The following CNNM4 variants were observed in gnomAD, a reference collection of about 807,000 sequenced individuals.
CNNM4 encodes cyclin and CBS domain divalent metal cation transport mediator 4.
Under a neutral mutation model 53.7 loss-of-function variants are expected in CNNM4, and 32 were observed. That is an observed-to-expected ratio of 0.60 (90% CI 0.45 to 0.80). CNNM4 has a LOEUF of 0.80. CNNM4 is among the 30% of genes least tolerant of loss of function. CNNM4 has a pLI of 0.00. For missense variants in CNNM4, 784 were observed against 1,022.0 expected, an observed-to-expected ratio of 0.77 and a Z score of 3.17; for synonymous variants, 410 against 440.0, an observed-to-expected ratio of 0.93 and a Z score of 0.85.
intron 1 of CNNM4, among the ~76,000 whole-genome samples, chr2:96,781,119 C>T (rs139381377): frequency 2.4e-4 from 37 of 151,514 alleles, no homozygotes; most frequent in African/African-American, 8.2e-4. Context: ...GCTGGGACTA[C>T]AGGCACCCGC....
At chr2:96,780,904 A>G (rs539498502) in intron 1 of CNNM4, among the ~76,000 whole-genome samples, 3 of 144,032 alleles carry the variant, frequency 2.1e-5, no homozygotes, top group South Asian at 2.2e-4. Flanking sequence ...ACACCCAGCT[A>G]ATTTTTTTTT....
At chr2:96,795,563 C>T (rs1335712841) in intron 1 of CNNM4, among the ~76,000 whole-genome samples, 4 of 152,134 alleles carry the variant, frequency 2.6e-5, no homozygotes. Context: ...TCTCTGCTCT[C>T]CCTAAGAGGC....
intron 1 of CNNM4, among the ~76,000 whole-genome samples, chr2:96,786,778 CAAAAAAAA>C (rs978560794): frequency 1.5e-4 from 6 of 40,486 alleles, no homozygotes; most frequent in East Asian, 7.4e-4. Flanking sequence ...GACTCTGTCT[CAAAAAAAA>C]AAAAAAAAAA....
chr2:96,798,652 G>A (rs1432672584), intron 3 of CNNM4, among the ~76,000 whole-genome samples: 2 of 152,082 alleles, frequency 1.3e-5, no homozygotes, highest in East Asian at 1.9e-4. Flanking sequence ...TGATGCTGAT[G>A]CAATAATTAT....
In CNNM4 at chr2:96,787,812, A is replaced by G. The variant is rs2079027591; in HGVS notation, c.1403-9200A>G. ...GAAGTCAAAGTTGCAGTGAGCTGTG[A>G]TTGTGCCACTGTACTGCAGCCTGGG... On this transcript the variant is annotated intron_variant, in intron 1 of 6. Coordinates refer to ENST00000377075, the MANE Select transcript of CNNM4 (RefSeq NM_020184.4). Among the ~76,000 whole-genome samples, 8 of 152,276 alleles carry G rather than the reference A, an allele frequency of 5.3e-5. No individual in the cohort carries two copies. The South Asian group carries it at 1.7e-3, about 32-fold the overall frequency.
chr2:96,806,457 T>C (rs1232736823), intron 5 of CNNM4, among the ~76,000 whole-genome samples: 1 of 151,660 alleles, frequency 6.6e-6, no homozygotes, highest in Admixed American at 6.6e-5. Context: ...TTAATTTTTA[T>C]TTTCCCCTTT....
chr2:96,793,936 C>T (rs1220911911), intron 1 of CNNM4, among the ~76,000 whole-genome samples: 1 of 152,166 alleles, frequency 6.6e-6, no homozygotes, highest in African/African-American at 2.4e-5. Flanking sequence ...GCCTGGGCCA[C>T]TCCAGCCTAG....
At chr2:96,796,980 G>A in intron 1 of CNNM4, 32 bp from the exon 2 acceptor site, 3 of 1,610,850 alleles carry the variant, frequency 1.9e-6, no homozygotes, top group Non-Finnish European at 2.5e-6. Flanking sequence ...TGGCCTCTGG[G>A]CTCTTGTCTG....
intron 1 of CNNM4, among the ~76,000 whole-genome samples, chr2:96,793,793 G>A (rs62152786): frequency 0.15 from 22,164 of 152,074 alleles, 2,562 homozygotes; most frequent in African/African-American, 0.32. Context: ...GCGAAACCCC[G>A]TCTCTACTAA....
chr2:96,782,900 T>A (rs141939158), intron 1 of CNNM4, among the ~76,000 whole-genome samples: 1 of 152,158 alleles, frequency 6.6e-6, no homozygotes, highest in Non-Finnish European at 1.5e-5. Flanking sequence ...ACATGGGACC[T>A]GTGGGCTCTT....
rs1185854529 is a variant in CNNM4 at position 96,761,844 on chromosome 2, T to G, written c.845T>G (p.Phe282Cys). The change falls in exon 1 of 7, where the codon TTT (phenylalanine) becomes TGT (cysteine). Residue 282 changes from phenylalanine to cysteine, a missense_variant. This residue lies in a region of CNNM4 where 473 missense variants were observed against 624.6 expected (regional missense o/e 0.76). Coordinates refer to ENST00000377075, the MANE Select transcript of CNNM4 (RefSeq NM_020184.4). This position sits in a 1 kb window ranked among gnomAD's most constrained non-coding sequence, Gnocchi z 6.0. ...TCCTCCACCATTGGCATTGTCATCT[T>G]TGGGGAGATCCTACCTCAGGCCCTG... ...VASSTIGIVIFGEILPQALCS... is the reference protein window; with the variant it reads ...VASSTIGIVICGEILPQALCS... The G allele has an allele frequency of 6.2e-7, 1 of 1,614,028 alleles. No individual in the cohort carries two copies. The highest frequency in any genetic ancestry group is 1.3e-5 in the African/African-American group (1 of 74,928).
intron 1 of CNNM4, among the ~76,000 whole-genome samples, chr2:96,783,547 C>A (rs2078991776): frequency 6.6e-6 from 1 of 152,132 alleles, no homozygotes; most frequent in African/African-American, 2.4e-5. Flanking sequence ...TTCTGACAGC[C>A]GTAGCTTCTG....
At chr2:96,780,682 T>C (rs1277580202) in intron 1 of CNNM4, among the ~76,000 whole-genome samples, 1 of 152,102 alleles carries the variant, frequency 6.6e-6, no homozygotes, top group Non-Finnish European at 1.5e-5. Context: ...TACAGGTTTT[T>C]GTTTTGTTTG....
At chr2:96,782,641 T>C (rs2078984676) in intron 1 of CNNM4, among the ~76,000 whole-genome samples, 1 of 152,194 alleles carries the variant, frequency 6.6e-6, no homozygotes, top group South Asian at 2.1e-4. Flanking sequence ...ACTGTTGCTA[T>C]AGTTTTCCTC....
At chr2:96,793,520 A>G (rs921636104) in intron 1 of CNNM4, among the ~76,000 whole-genome samples, 6 of 152,218 alleles carry the variant, frequency 3.9e-5, no homozygotes, top group African/African-American at 1.4e-4. Context: ...GGTGCCTGTC[A>G]TGCAGCTGGC....
At chr2:96,779,201 G>A (rs1299651742) in intron 1 of CNNM4, among the ~76,000 whole-genome samples, 1 of 152,080 alleles carries the variant, frequency 6.6e-6, no homozygotes, top group Non-Finnish European at 1.5e-5. Flanking sequence ...CTCGTGATCC[G>A]CCCGCCTCGG....
chr2:96,808,525 T>C lies in CNNM4; in HGVS notation c.1949-36T>C. On this transcript the variant is annotated intron_variant, in intron 5 of 6. Transcript: ENST00000377075. The surrounding 1 kb of genome is among the most constrained non-coding windows in gnomAD (Gnocchi z 4.9). Reference sequence around the variant, plus strand: ...ATGAGGGTGAGAGTGGGCATCGGAGTGGCCTTTGGCATGACAACCTCTGCT... The same window carrying C: ...ATGAGGGTGAGAGTGGGCATCGGAGCGGCCTTTGGCATGACAACCTCTGCT... 3 of 1,611,516 alleles carry C rather than the reference T, an allele frequency of 1.9e-6. No individual in the cohort carries two copies. The highest frequency in any genetic ancestry group is 8.5e-7 in the Non-Finnish European group (1 of 1,178,310).
rs2079249104 is a variant in CNNM4 at position 96,810,624 on chromosome 2, G to A, written c.*1107G>A. 1 of 152,476 alleles carries A rather than the reference G, an allele frequency of 6.6e-6. No homozygotes were observed. The allele number at this position is 152,476 out of a possible 1,614,324, so 9.4% of individuals were successfully genotyped here. On this transcript the variant is annotated 3_prime_UTR_variant, in exon 7 of 7. Coordinates refer to ENST00000377075, the MANE Select transcript of CNNM4 (RefSeq NM_020184.4). This position sits in a 1 kb window ranked among gnomAD's most constrained non-coding sequence, Gnocchi z 4.1. ...TCCCCAAGCTTCAGTCCCTCTTGGGGGTGGAGACAAGAGGACATGTGGGAA... is the reference window on the plus strand; with the variant it reads ...TCCCCAAGCTTCAGTCCCTCTTGGGAGTGGAGACAAGAGGACATGTGGGAA...
At chr2:96,781,490 A>T (rs2078975026) in intron 1 of CNNM4, among the ~76,000 whole-genome samples, 1 of 152,208 alleles carries the variant, frequency 6.6e-6, no homozygotes. Context: ...CTGAGATCAC[A>T]GGCTTGAGCC....
Sources: gnomAD v4.1 joint callset for allele counts (sites outside exome capture counted in the v4.1 genomes callset) on GRCh38, gnomAD v4.1.1 for gene constraint, gnomAD v4.1.1 regional missense constraint, Gnocchi (gnomAD v3.1) non-coding constraint, MANE v1.5 for transcripts, NCBI Gene and HGNC (gene_info 2026-07-23, HGNC 2026-07-21) for gene names.